The following RBFOX1 variants were observed in gnomAD, a reference collection of about 807,000 sequenced individuals.
RBFOX1 encodes the protein RNA binding fox-1 homolog 1.
In RBFOX1, 8 loss-of-function variants were observed where a neutral mutation model predicts 57.7. The ratio of observed to expected loss-of-function variants is 0.14; its 90% CI spans 0.08 to 0.25. The LOEUF is 0.25. Ranked by LOEUF, RBFOX1 falls within the 10% of genes least tolerant of loss-of-function variation. The probability of loss-of-function intolerance (pLI) is 1.00; values close to 1 mark genes in which losing one functional copy is unlikely to be tolerated. For synonymous variants in RBFOX1, 326 were observed against 222.4 expected (o/e 1.47, Z -4.15); for missense variants, 611 against 548.5 (o/e 1.11, Z -1.14).
intron 3 of RBFOX1, among the ~76,000 whole-genome samples, chr16:6,670,682 A>G (rs1029593339): frequency 6.6e-6 from 1 of 152,030 alleles, no homozygotes; most frequent in South Asian, 2.1e-4. Context: ...CTTTTCCCAT[A>G]TTGGTGATGT....
chr16:6,924,352 A>G (rs548832101), intron 3 of RBFOX1, among the ~76,000 whole-genome samples: 176 of 152,066 alleles, frequency 1.2e-3, no homozygotes, highest in African/African-American at 4.0e-3. Flanking sequence ...TGGGCAGGGA[A>G]GAGGAACACG....
At chr16:6,641,510 A>G (rs1051450615) in intron 2 of RBFOX1, among the ~76,000 whole-genome samples, 1 of 151,982 alleles carries the variant, frequency 6.6e-6, no homozygotes, top group African/African-American at 2.4e-5. Context: ...CGAGGCGGGC[A>G]GATCGCTTGA....
At chr16:6,033,402 C>A (rs557070893) in intron 1 of RBFOX1, among the ~76,000 whole-genome samples, 1 of 152,252 alleles carries the variant, frequency 6.6e-6, no homozygotes, top group Admixed American at 6.5e-5. Flanking sequence ...CTTGCACTTG[C>A]CTTGCAGTTT....
At chr16:7,263,109 C>T (rs908034425) in intron 4 of RBFOX1, among the ~76,000 whole-genome samples, 1 of 152,180 alleles carries the variant, frequency 6.6e-6, no homozygotes, top group African/African-American at 2.4e-5. Context: ...CTTGGTGAGT[C>T]ACTCAGCAAA....
At chr16:6,163,643 T>A (rs1349392583) in intron 1 of RBFOX1, among the ~76,000 whole-genome samples, 1 of 152,216 alleles carries the variant, frequency 6.6e-6, no homozygotes, top group African/African-American at 2.4e-5. Flanking sequence ...TAGCAGAGAC[T>A]TTACTGGTTA....
At position 6,684,092 on chromosome 16, in the gene RBFOX1, C is replaced by G. The variant is rs2059073429; in HGVS notation, c.-16+29442C>G. Among the ~76,000 whole-genome samples the G allele has an allele frequency of 4.6e-5, 7 of 152,282 alleles. No homozygotes were observed. In the South Asian group the frequency reaches 1.2e-3, roughly 27 times the overall value. ...CTCATTTGTGTGTACACGGTATGTT[C>G]AAGCAGAGAAAATAGCAGAATTTCC... On this transcript the variant is annotated intron_variant, in intron 3 of 15. Transcript: ENST00000550418.
rs564770304 is a variant in RBFOX1 at position 7,377,492 on chromosome 16, G to GA, written c.28-140647dup. Among the ~76,000 whole-genome samples, 30 of 151,950 alleles carry GA rather than the reference G, an allele frequency of 2.0e-4. 1 individual carries two copies. The South Asian group carries it at 4.4e-3, about 22-fold the overall frequency. On this transcript the variant is annotated intron_variant, in intron 4 of 15. Coordinates refer to ENST00000550418, the MANE Select transcript of RBFOX1 (RefSeq NM_018723.4). Reference sequence around the variant, plus strand: ...GCTTGGCTAACACATCAATCATTTGGAAAAAAAATACTGTAGTAACAGCCT... The same window carrying GA: ...GCTTGGCTAACACATCAATCATTTGGAAAAAAAAATACTGTAGTAACAGCCT...
intron 4 of RBFOX1, among the ~76,000 whole-genome samples, chr16:5,944,987 A>AAAAAAAGAG: frequency 1.0e-5 from 1 of 97,088 alleles, no homozygotes; most frequent in Non-Finnish European, 2.2e-5. Context: ...AAAAAAAAAA[A>AAAAAAAGAG]AGAGAGAGAG....
intron 1 of RBFOX1, among the ~76,000 whole-genome samples, chr16:5,446,407 T>G (rs188208928): frequency 6.6e-6 from 1 of 152,302 alleles, no homozygotes; most frequent in East Asian, 1.9e-4. Context: ...AATGTTTCTT[T>G]CCTCTTTTTT....
intron 4 of RBFOX1, among the ~76,000 whole-genome samples, chr16:5,897,061 C>CTCT (rs1201244925): frequency 9.9e-6 from 1 of 100,678 alleles, no homozygotes; most frequent in Non-Finnish European, 2.0e-5. Context: ...CGGAGTCTCG[C>CTCT]TCTGTCGCCC....
At chr16:5,485,588 A>G (rs959694320) in intron 2 of RBFOX1, among the ~76,000 whole-genome samples, 2 of 152,210 alleles carry the variant, frequency 1.3e-5, no homozygotes, top group East Asian at 3.8e-4. Flanking sequence ...ATTCCGCATT[A>G]TACCTCAAAG....
intron 3 of RBFOX1, among the ~76,000 whole-genome samples, chr16:6,966,253 G>A (rs1323080846): frequency 6.6e-6 from 1 of 152,094 alleles, no homozygotes; most frequent in African/African-American, 2.4e-5. Context: ...GGGCCAAGGA[G>A]GGTAAAATGA....
At chr16:5,611,747 C>CATCCATCCATCCATCCATCCATCA (rs2047808344) in intron 3 of RBFOX1, among the ~76,000 whole-genome samples, 1 of 146,390 alleles carries the variant, frequency 6.8e-6, no homozygotes, top group African/African-American at 2.5e-5. Flanking sequence ...TCCATCCATC[C>CATCCATCCATCCATCCATCCATCA]ATTCACCCTT....
At chr16:5,937,362 A>G (rs2059187579) in intron 4 of RBFOX1, among the ~76,000 whole-genome samples, 1 of 152,206 alleles carries the variant, frequency 6.6e-6, no homozygotes, top group Non-Finnish European at 1.5e-5. Context: ...TCTACCTGCC[A>G]TTAAGCAAAT....
intron 4 of RBFOX1, among the ~76,000 whole-genome samples, chr16:7,486,838 T>G (rs2065527432): frequency 6.6e-6 from 1 of 152,202 alleles, no homozygotes. Context: ...CGTCACCTCC[T>G]GTTTTTGTTC....
chr16:6,002,376 C>T (rs141166820), intron 4 of RBFOX1, among the ~76,000 whole-genome samples: 7 of 152,330 alleles, frequency 4.6e-5, no homozygotes, highest in Non-Finnish European at 8.8e-5. Flanking sequence ...AGAGTTTTGA[C>T]ATGGAGACCC....
chr16:7,091,690 A>C (rs546319186), intron 4 of RBFOX1, among the ~76,000 whole-genome samples: 15 of 152,094 alleles, frequency 9.9e-5, no homozygotes, highest in Non-Finnish European at 1.8e-4. Flanking sequence ...CCTGTGGCTT[A>C]TCTCTGCTCT....
chr16:5,886,911 T>C (rs1386496288), intron 4 of RBFOX1, among the ~76,000 whole-genome samples: 1 of 152,048 alleles, frequency 6.6e-6, no homozygotes, highest in Admixed American at 6.6e-5. Context: ...ATCTCTTCAA[T>C]CATTCATTGT....
At chr16:6,779,023 A>ACT (rs199887592) in intron 3 of RBFOX1, among the ~76,000 whole-genome samples, 1,770 of 152,158 alleles carry the variant, frequency 0.012, 42 homozygotes, top group African/African-American at 0.04. Flanking sequence ...ACATTCCAAA[A>ACT]CTACTACTCT....
Sources: allele counts gnomAD v4.1 joint callset (sites outside exome capture counted in the v4.1 genomes callset), GRCh38; gene constraint gnomAD v4.1.1; transcripts MANE v1.5; gene names NCBI Gene and HGNC (gene_info 2026-07-23, HGNC 2026-07-21).